The following TNS3 variants were observed in gnomAD, a reference collection of about 807,000 sequenced individuals.
The protein encoded by TNS3 is tensin-3.
A neutral mutation model predicts 140.9 loss-of-function variants in TNS3; 45 were observed. That is an observed-to-expected ratio of 0.32 (90% CI 0.25 to 0.41). The LOEUF is 0.41. TNS3 is among the 10% of genes least tolerant of loss of function. TNS3 has a pLI of 1.00. For synonymous variants in TNS3, 815 were observed against 788.4 expected, an observed-to-expected ratio of 1.03 and a Z score of -0.56; for missense variants, 1,716 against 1,906.7, an observed-to-expected ratio of 0.90 and a Z score of 1.86.
At chr7:47,476,994 G>A (rs756718217) in intron 4 of TNS3, among the ~76,000 whole-genome samples, 2 of 152,140 alleles carry the variant, frequency 1.3e-5, no homozygotes, top group Non-Finnish European at 2.9e-5. Flanking sequence ...AAATAGCCAC[G>A]GGTTCAATGC....
At chr7:47,298,405 G>A (rs1786177484) in intron 23 of TNS3, among the ~76,000 whole-genome samples, 2 of 152,186 alleles carry the variant, frequency 1.3e-5, no homozygotes, top group Non-Finnish European at 2.9e-5. Context: ...CCAAAATCTG[G>A]CATTTCCAAG....
chr7:47,501,371 G>GAGCTTCACC (rs1364297715), intron 3 of TNS3, among the ~76,000 whole-genome samples: 1 of 152,198 alleles, frequency 6.6e-6, no homozygotes, highest in South Asian at 2.1e-4. Context: ...CTGTGGCAAT[G>GAGCTTCACC]AGCTTCACCA....
intron 3 of TNS3, among the ~76,000 whole-genome samples, chr7:47,484,169 CA>C (rs1227797523): frequency 1.3e-5 from 2 of 152,100 alleles, no homozygotes; most frequent in Non-Finnish European, 2.9e-5. Flanking sequence ...TTACAAAATG[CA>C]GACAAAAATG....
intron 4 of TNS3, among the ~76,000 whole-genome samples, chr7:47,463,888 A>G (rs527385414): frequency 1.3e-5 from 2 of 152,328 alleles, no homozygotes; most frequent in Non-Finnish European, 1.5e-5. Context: ...AATGAAAATC[A>G]ACTATAATTT....
chr7:47,557,308 A>C (rs1800220836), intron 1 of TNS3, among the ~76,000 whole-genome samples: 1 of 152,194 alleles, frequency 6.6e-6, no homozygotes, highest in Non-Finnish European at 1.5e-5. Flanking sequence ...GAAAACCAGC[A>C]GCCGCCAAGG....
chr7:47,380,437 A>G (rs748764152), intron 16 of TNS3, among the ~76,000 whole-genome samples: 1 of 152,372 alleles, frequency 6.6e-6, no homozygotes, highest in East Asian at 1.9e-4. Context: ...GCTTGCAAAC[A>G]GCATGTCAGA....
At chr7:47,472,561 G>A (rs1343877738) in intron 4 of TNS3, among the ~76,000 whole-genome samples, 1 of 152,110 alleles carries the variant, frequency 6.6e-6, no homozygotes, top group Admixed American at 6.5e-5. Flanking sequence ...CAGGACTGTG[G>A]CCCTAAACTT....
intron 4 of TNS3, among the ~76,000 whole-genome samples, chr7:47,458,835 C>T (rs894475582): frequency 2.6e-5 from 4 of 152,202 alleles, no homozygotes; most frequent in Admixed American, 6.5e-5. Context: ...TAACAAGTAC[C>T]ACCTACTTTC....
chr7:47,439,608 G>A lies in TNS3; in HGVS notation c.29C>T (p.Thr10Ile). MEEGHGLDL[T>I]YITERIIAVS... Reference sequence around the variant, plus strand: ...AGCGATGATGCGCTCCGTGATGTAAGTGAGGTCCAGCCCATGGCCCTCCTC... The same window carrying A: ...AGCGATGATGCGCTCCGTGATGTAAATGAGGTCCAGCCCATGGCCCTCCTC... Residue 10 changes from threonine to isoleucine, a missense_variant, in exon 6 of 31, where the codon ACT becomes ATT. Thr to Ile is a moderately conservative substitution (Grantham distance 89). This residue lies in a region of TNS3 where 337 missense variants were observed against 428.9 expected (regional missense o/e 0.79). Coordinates refer to ENST00000311160, the MANE Select transcript of TNS3 (RefSeq NM_022748.12). 1 of 1,614,104 alleles carries A rather than the reference G, an allele frequency of 6.2e-7. No homozygotes were observed. The highest frequency in any genetic ancestry group is 8.5e-7 in the Non-Finnish European group (1 of 1,179,992).
chr7:47,361,561 G>A lies in TNS3; in HGVS notation c.2281+6804C>T, dbSNP rs1790337957. On this transcript the variant is annotated intron_variant, in intron 17 of 30. Transcript: ENST00000311160. ...GTGAGCCTTCTGCCACGGAATCAGA[G>A]CTTGCAGATAAGCTGCTTTCTGAAT... Among the ~76,000 whole-genome samples the A allele has an allele frequency of 2.0e-5, 3 of 152,318 alleles. No individual in the cohort carries two copies. In the South Asian group the frequency reaches 6.2e-4, roughly 32 times the overall value.
intron 10 of TNS3, among the ~76,000 whole-genome samples, chr7:47,415,650 C>G (rs969255670): frequency 1.3e-5 from 2 of 152,272 alleles, no homozygotes; most frequent in African/African-American, 4.8e-5. Context: ...GCACCTGCTG[C>G]TTTCTGCTCA....
chr7:47,579,973 T>C, intron 1 of TNS3: 1 of 327,790 alleles, frequency 3.1e-6, no homozygotes, highest in Admixed American at 6.5e-5. Context: ...CAGCTCACTT[T>C]CAAAACATTA....
intron 16 of TNS3, among the ~76,000 whole-genome samples, chr7:47,375,602 G>C (rs1053050742): frequency 6.6e-6 from 1 of 152,186 alleles, no homozygotes; most frequent in African/African-American, 2.4e-5. Flanking sequence ...GGAGGTAAGA[G>C]GGTTAAGAGG....
intron 10 of TNS3, among the ~76,000 whole-genome samples, chr7:47,415,535 G>C (rs1158991261): frequency 6.6e-6 from 1 of 152,226 alleles, no homozygotes; most frequent in Non-Finnish European, 1.5e-5. Context: ...ATCCCCACTG[G>C]TGAGCAGCAG....
At chr7:47,344,403 C>T (rs1253701087) in intron 20 of TNS3, among the ~76,000 whole-genome samples, 1 of 152,162 alleles carries the variant, frequency 6.6e-6, no homozygotes, top group Non-Finnish European at 1.5e-5. Context: ...GGCGCCCGTG[C>T]GGCACAATCC....
intron 20 of TNS3, among the ~76,000 whole-genome samples, chr7:47,330,148 G>A (rs1462934664): frequency 2.0e-5 from 3 of 152,050 alleles, no homozygotes; most frequent in Non-Finnish European, 4.4e-5. Flanking sequence ...AGAGATCCCC[G>A]GGGACGACAG....
Position 47,435,347 on chromosome 7 carries a change from T to G in TNS3, c.259A>C (p.Ile87Leu). 1 of 1,614,150 alleles carries G rather than the reference T, an allele frequency of 6.2e-7. No individual in the cohort carries two copies. The highest frequency in any genetic ancestry group is 2.2e-5 in the East Asian group (1 of 44,880). The change falls in exon 8 of 31, where the codon ATA (isoleucine) becomes CTA (leucine). Residue 87 changes from isoleucine to leucine, a missense_variant. This residue lies in a region of TNS3 where 337 missense variants were observed against 428.9 expected (regional missense o/e 0.79). Transcript: ENST00000311160. ...AGCCAGGACTCCTGCGCCTTGCATA[T>G]GGTACACATCTTATCCAGGGGCGGT... ...HAPPLDKMCT[I>L]CKAQESWLNS...
intron 1 of TNS3, among the ~76,000 whole-genome samples, chr7:47,576,919 G>C: frequency 6.6e-6 from 1 of 152,252 alleles, no homozygotes; most frequent in Admixed American, 6.5e-5. Flanking sequence ...AACGGCCTTG[G>C]CCAGACACTT....
At chr7:47,466,952 C>T (rs73328532) in intron 4 of TNS3, among the ~76,000 whole-genome samples, 2,466 of 152,282 alleles carry the variant, frequency 0.016, 70 homozygotes, top group African/African-American at 0.057. Flanking sequence ...TGAGTTGGTT[C>T]CCTACATCCC....
Sources: gnomAD v4.1 joint callset for allele counts (sites outside exome capture counted in the v4.1 genomes callset) on GRCh38, gnomAD v4.1.1 for gene constraint, gnomAD v4.1.1 regional missense constraint, MANE v1.5 for transcripts, NCBI Gene and HGNC (gene_info 2026-07-23, HGNC 2026-07-21) for gene names.